The following VPS13B variants were observed in gnomAD, a reference collection of about 807,000 sequenced individuals.
The protein encoded by VPS13B is vacuolar protein sorting 13 homolog B, also known as intermembrane lipid transfer protein VPS13B.
In VPS13B, 285 loss-of-function variants were observed where a neutral mutation model predicts 426.4. The observed-to-expected ratio is 0.67, with a 90% CI of 0.61 to 0.74. The LOEUF is 0.74. Among genes scored for constraint, VPS13B ranks in the 30% least tolerant of loss-of-function variants. The pLI, the probability that VPS13B is intolerant of heterozygous loss-of-function variation, is 0.00. For synonymous variants in VPS13B, 1,676 were observed against 1,676.4 expected (o/e 1.00, Z 0.01); for missense variants, 4,537 against 4,782.6 (o/e 0.95, Z 1.51).
At chr8:99,854,861 C>G (rs1816468876) in intron 56 of VPS13B, among the ~76,000 whole-genome samples, 1 of 152,144 alleles carries the variant, frequency 6.6e-6, no homozygotes, top group Admixed American at 6.5e-5. Context: ...AAAGGGAAGG[C>G]TGTGAGTGTG....
intron 3 of VPS13B, among the ~76,000 whole-genome samples, chr8:99,075,141 T>C (rs1845050874): frequency 6.6e-6 from 1 of 152,232 alleles, no homozygotes; most frequent in Non-Finnish European, 1.5e-5. Flanking sequence ...TTACTACTCA[T>C]TGAATCTTGT....
chr8:99,741,556 T>C (rs1243968452), intron 39 of VPS13B, among the ~76,000 whole-genome samples: 1 of 152,092 alleles, frequency 6.6e-6, no homozygotes, highest in Non-Finnish European at 1.5e-5. Context: ...TATTCCAAAA[T>C]TGACCACATA....
intron 25 of VPS13B, among the ~76,000 whole-genome samples, chr8:99,483,896 C>G (rs1015963636): frequency 1.3e-5 from 2 of 152,080 alleles, no homozygotes. Flanking sequence ...TACACTCTAG[C>G]ATTGTGCAGT....
At chr8:99,197,575 A>G (rs577831479) in intron 17 of VPS13B, among the ~76,000 whole-genome samples, 2 of 152,272 alleles carry the variant, frequency 1.3e-5, no homozygotes, top group East Asian at 1.9e-4. Flanking sequence ...TATCCAATCC[A>G]TTGGTGTAGC....
rs185843709 is a variant in VPS13B, at chr8:99,029,809, C to T, written c.148-8614C>T. On this transcript the variant is annotated intron_variant, in intron 2 of 61. Coordinates refer to ENST00000357162, the MANE Select transcript of VPS13B (RefSeq NM_152564.5). ...AGGGAGAGGGAGAGGGAGAGGGAGA[C>T]GGAGAGGGAGAGGGAGAGGGAGAGG... Among the ~76,000 whole-genome samples the T allele has an allele frequency of 9.7e-3, 855 of 88,388 alleles. 13 individuals carry two copies. Among genetic ancestry groups the T allele is most frequent in the African/African-American group, 0.037 (813 of 21,910 alleles). The allele number at this position is 88,388 out of a possible 152,430, so 58.0% of individuals were successfully genotyped here. A position where few individuals can be genotyped will look rare whatever the true frequency, so the allele number is the denominator to read the frequency against.
chr8:99,803,899 A>T (rs1813261601), intron 43 of VPS13B, among the ~76,000 whole-genome samples: 1 of 152,134 alleles, frequency 6.6e-6, no homozygotes, highest in Non-Finnish European at 1.5e-5. Context: ...TTTACTCATG[A>T]TGCTCACCTA....
At chr8:99,870,548 C>T (rs1445264944) in intron 59 of VPS13B, among the ~76,000 whole-genome samples, 3 of 152,138 alleles carry the variant, frequency 2.0e-5, no homozygotes, top group Admixed American at 1.3e-4. Flanking sequence ...CCTCTAATTG[C>T]TAGTCTATGC....
chr8:99,412,383 G>A (rs1815728307), intron 21 of VPS13B, among the ~76,000 whole-genome samples: 1 of 152,092 alleles, frequency 6.6e-6, no homozygotes, highest in South Asian at 2.1e-4. Flanking sequence ...TCTGTTATTG[G>A]TGTATAGGAA....
intron 31 of VPS13B, among the ~76,000 whole-genome samples, chr8:99,563,903 C>G (rs1025909430): frequency 6.6e-6 from 1 of 152,030 alleles, no homozygotes; most frequent in Non-Finnish European, 1.5e-5. Flanking sequence ...TCTTGACAGA[C>G]GTATAAATAG....
intron 30 of VPS13B, among the ~76,000 whole-genome samples, chr8:99,549,692 T>G (rs1481409935): frequency 1.3e-5 from 2 of 152,082 alleles, no homozygotes; most frequent in Non-Finnish European, 1.5e-5. Context: ...TCTCTGATAG[T>G]TGGTACAAAA....
At chr8:99,416,781 G>A (rs1816039934) in intron 21 of VPS13B, among the ~76,000 whole-genome samples, 1 of 151,982 alleles carries the variant, frequency 6.6e-6, no homozygotes, top group Non-Finnish European at 1.5e-5. Context: ...AGATGAGCTG[G>A]GAATCTCACT....
intron 57 of VPS13B, among the ~76,000 whole-genome samples, chr8:99,860,328 G>A (rs1412828632): frequency 1.3e-5 from 2 of 152,084 alleles, no homozygotes; most frequent in Non-Finnish European, 2.9e-5. Context: ...AAATTCCACG[G>A]ACAATGAAAA....
At chr8:99,264,816 G>C (rs1324420126) in intron 17 of VPS13B, among the ~76,000 whole-genome samples, 1 of 151,832 alleles carries the variant, frequency 6.6e-6, no homozygotes, top group East Asian at 1.9e-4. Flanking sequence ...CTATGTTTTT[G>C]ATTATTTTCC....
chr8:99,796,809 G>A (rs1350177093), intron 43 of VPS13B: 1 of 152,186 alleles, frequency 6.6e-6, no homozygotes, highest in Non-Finnish European at 1.5e-5. Context: ...AGGTGTCTTG[G>A]TTCTCATCCA....
At chr8:99,099,407 TCTGATTATGAG>T (rs1375062832) in intron 4 of VPS13B, among the ~76,000 whole-genome samples, 1 of 152,190 alleles carries the variant, frequency 6.6e-6, no homozygotes, top group Non-Finnish European at 1.5e-5. Flanking sequence ...CCGTGGCATT[TCTGATTATGAG>T]CAGCTTGGCT....
chr8:99,183,955 A>G (rs1813079871), intron 16 of VPS13B, among the ~76,000 whole-genome samples: 1 of 152,228 alleles, frequency 6.6e-6, no homozygotes, highest in Admixed American at 6.5e-5. Flanking sequence ...CTGTATCTCT[A>G]GAAATAGAAA....
intron 44 of VPS13B, among the ~76,000 whole-genome samples, chr8:99,815,631 T>A (rs951358358): frequency 1.3e-5 from 2 of 151,202 alleles, no homozygotes; most frequent in African/African-American, 4.9e-5. Context: ...AAATATCATA[T>A]GCTTAGACTT....
chr8:99,370,483 T>C (rs1026651774), intron 19 of VPS13B, among the ~76,000 whole-genome samples: 1 of 152,094 alleles, frequency 6.6e-6, no homozygotes, highest in East Asian at 1.9e-4. Flanking sequence ...TTGTAGGCTA[T>C]GGTGAGAAGT....
At chr8:99,315,361 G>T (rs1296906982) in intron 19 of VPS13B, among the ~76,000 whole-genome samples, 1 of 148,214 alleles carries the variant, frequency 6.7e-6, no homozygotes, top group Non-Finnish European at 1.5e-5. Flanking sequence ...AACTAACTGG[G>T]TTATTTCAAA....
Sources: gnomAD v4.1 joint callset for allele counts (sites outside exome capture counted in the v4.1 genomes callset) on GRCh38, gnomAD v4.1.1 for gene constraint, MANE v1.5 for transcripts, NCBI Gene and HGNC (gene_info 2026-07-23, HGNC 2026-07-21) for gene names.